ZNF423: variants seen among roughly 807,000 people sequenced by gnomAD.
ZNF423 encodes the protein zinc finger protein 423, also known as Ebf-associated zinc finger protein.
ZNF423 carries 12 observed loss-of-function variants against 95.8 expected under a neutral mutation model. The ratio of observed to expected loss-of-function variants is 0.13; its 90% CI spans 0.08 to 0.20. The LOEUF (loss-of-function observed/expected upper bound fraction) is 0.20. ZNF423 is among the 10% of genes least tolerant of loss of function. The pLI, the probability that ZNF423 is intolerant of heterozygous loss-of-function variation, is 1.00. For synonymous variants in ZNF423, 749 were observed against 711.9 expected (o/e 1.05, Z -0.83); for missense variants, 1,316 against 1,737.1 (o/e 0.76, Z 4.31).
At position 49,815,878 on chromosome 16, in the gene ZNF423, AAAAATATATAT is replaced by A. The variant is rs1408413079; in HGVS notation, c.41-26343_41-26333del. Among the ~76,000 whole-genome samples the A allele has an allele frequency of 3.3e-3, 204 of 61,314 alleles. 1 individual carries two copies. Among genetic ancestry groups the A allele is most frequent in the Non-Finnish European group, 5.0e-3 (170 of 34,004 alleles). The allele number at this position is 61,314 out of a possible 152,430, so 40.2% of individuals were successfully genotyped here. ...TTCTAATTCCAAACAAACAAAAAAA[AAAAATATATAT>A]ATATATATATATATATATATATATA... On this transcript the variant is annotated intron_variant, in intron 1 of 7. Coordinates refer to ENST00000563137, the MANE Select transcript of ZNF423 (RefSeq NM_001379286.1).
chr16:49,697,008 G>A (rs147093211), intron 3 of ZNF423, among the ~76,000 whole-genome samples: 67 of 152,298 alleles, frequency 4.4e-4, no homozygotes, highest in Non-Finnish European at 6.0e-4. Flanking sequence ...ACAGGGAATC[G>A]CCGGAGGGTT....
At chr16:49,854,493 G>T in intron 1 of ZNF423, 1 of 985,482 alleles carries the variant, frequency 1.0e-6, no homozygotes, top group Non-Finnish European at 1.2e-6. Flanking sequence ...ACTTTTCAGA[G>T]CAGAACTGGG....
chr16:49,517,420 G>T (rs1968192998), intron 7 of ZNF423, among the ~76,000 whole-genome samples: 1 of 152,150 alleles, frequency 6.6e-6, no homozygotes, highest in Admixed American at 6.5e-5. Context: ...CATTTCTTCT[G>T]CAATCCATCC....
At chr16:49,742,052 C>T (rs1405139320) in intron 2 of ZNF423, among the ~76,000 whole-genome samples, 2 of 152,210 alleles carry the variant, frequency 1.3e-5, no homozygotes, top group Non-Finnish European at 2.9e-5. Context: ...TACTGAGCAC[C>T]TACTATGTGC....
chr16:49,504,665 A>T (rs181902147), intron 7 of ZNF423, among the ~76,000 whole-genome samples: 2 of 152,310 alleles, frequency 1.3e-5, no homozygotes, highest in African/African-American at 4.8e-5. Context: ...ACTCAGCGAC[A>T]TTCCTGGCTG....
chr16:49,832,413 G>A (rs904008655), intron 1 of ZNF423, among the ~76,000 whole-genome samples: 4 of 152,170 alleles, frequency 2.6e-5, no homozygotes, highest in East Asian at 1.9e-4. Flanking sequence ...GGGAATGAGG[G>A]TGTGACCTCG....
chr16:49,526,784 T>C (rs1308474652), intron 5 of ZNF423, among the ~76,000 whole-genome samples: 1 of 152,220 alleles, frequency 6.6e-6, no homozygotes, highest in Non-Finnish European at 1.5e-5. Context: ...TTTTCTGTTA[T>C]AGTTGCTATG....
At chr16:49,761,842 G>T (rs72780361) in intron 2 of ZNF423, among the ~76,000 whole-genome samples, 154 of 152,324 alleles carry the variant, frequency 1.0e-3, no homozygotes, top group Non-Finnish European at 1.9e-3. Context: ...GAGAGAGACA[G>T]GGTCTCATTC....
intron 3 of ZNF423, among the ~76,000 whole-genome samples, chr16:49,704,737 G>GCA (rs201578072): frequency 6.6e-6 from 1 of 152,192 alleles, no homozygotes; most frequent in East Asian, 1.9e-4. Context: ...GCTATGCAGA[G>GCA]CACACACACA....
At position 49,509,994 on chromosome 16, in the gene ZNF423, C is replaced by T. The variant is rs552902081; in HGVS notation, c.3849+13630G>A. 1.4e-4 allele frequency among the ~76,000 whole-genome samples: 22 copies of T among 152,332 alleles called. 1 individual carries two copies. The South Asian group carries it at 2.9e-3, about 20-fold the overall frequency. Reference sequence around the variant, plus strand: ...TGGTGGTGCTACCATCGTCCTTCACCTTGCCTCTTACCACCAGGGTTGCAG... The same window carrying T: ...TGGTGGTGCTACCATCGTCCTTCACTTTGCCTCTTACCACCAGGGTTGCAG... On this transcript the variant is annotated intron_variant, in intron 7 of 7. Transcript: ENST00000563137.
Position 49,558,660 on chromosome 16 carries a change from G to A in ZNF423, c.3602-33166C>T, listed in dbSNP as rs539591301. 1.2e-3 allele frequency among the ~76,000 whole-genome samples: 177 copies of A among 152,114 alleles called. 1 individual carries two copies. Among genetic ancestry groups the A allele is most frequent in the Non-Finnish European group, 1.9e-3 (127 of 67,982 alleles). On this transcript the variant is annotated intron_variant, in intron 5 of 7. Coordinates refer to ENST00000563137, the MANE Select transcript of ZNF423 (RefSeq NM_001379286.1). ...GGGATCCACACACACCCACACACAC[G>A]CACACACTTGTACATGCACACACAT...
intron 5 of ZNF423, among the ~76,000 whole-genome samples, chr16:49,587,132 G>A (rs1970865152): frequency 6.6e-6 from 1 of 152,178 alleles, no homozygotes. Context: ...TTCAGTTTGG[G>A]AGGCCAAGTC....
chr16:49,788,643 G>A (rs560477942), intron 2 of ZNF423, among the ~76,000 whole-genome samples: 75 of 152,322 alleles, frequency 4.9e-4, no homozygotes, highest in African/African-American at 1.7e-3. Flanking sequence ...CAAGACTGAA[G>A]CAGCTCCAGC....
In ZNF423 at chr16:49,696,797, C is replaced by T. The variant is rs182555034; in HGVS notation, c.301+33974G>A. On this transcript the variant is annotated intron_variant, in intron 3 of 7. Transcript: ENST00000563137. ...CCAGGGTGGAAGGTTAATGTGGCTG[C>T]CCGCCATGCAGGCCTGGGCCTCCAG... Among the ~76,000 whole-genome samples, 1,369 of 152,302 alleles carry T rather than the reference C, an allele frequency of 9.0e-3. 19 individuals carry two copies. The highest frequency in any genetic ancestry group is 0.03 in the African/African-American group (1,266 of 41,564).
At chr16:49,794,236 G>GTT (rs57419300) in intron 1 of ZNF423, among the ~76,000 whole-genome samples, 9 of 140,146 alleles carry the variant, frequency 6.4e-5, no homozygotes, top group South Asian at 2.3e-4. Context: ...TTTTGTTTTT[G>GTT]TTTTTTTTTT....
chr16:49,692,267 T>A (rs1850455668), intron 3 of ZNF423, among the ~76,000 whole-genome samples: 1 of 152,088 alleles, frequency 6.6e-6, no homozygotes, highest in South Asian at 2.1e-4. Flanking sequence ...CCCCATTTCT[T>A]ATGCAGAGCA....
chr16:49,694,136 A>T (rs2151948593), intron 3 of ZNF423, among the ~76,000 whole-genome samples: 1 of 152,296 alleles, frequency 6.6e-6, no homozygotes, highest in East Asian at 1.9e-4. Context: ...TATTATTAAC[A>T]TAGGAAATAA....
At chr16:49,661,607 C>T (rs1333106073) in intron 3 of ZNF423, among the ~76,000 whole-genome samples, 1 of 152,194 alleles carries the variant, frequency 6.6e-6, no homozygotes, top group East Asian at 1.9e-4. Context: ...TGAGCACTTC[C>T]CGCTCATCTT....
At chr16:49,848,856 C>T (rs960385914) in intron 1 of ZNF423, among the ~76,000 whole-genome samples, 2 of 152,102 alleles carry the variant, frequency 1.3e-5, no homozygotes, top group Non-Finnish European at 2.9e-5. Flanking sequence ...CACCTCGCAC[C>T]GCAGTGTATC....
Sources: gnomAD v4.1 joint callset for allele counts (sites outside exome capture counted in the v4.1 genomes callset) on GRCh38, gnomAD v4.1.1 for gene constraint, MANE v1.5 for transcripts, NCBI Gene and HGNC (gene_info 2026-07-23, HGNC 2026-07-21) for gene names.